The following ADGRL2 variants were observed in gnomAD, a reference collection of about 807,000 sequenced individuals.
ADGRL2 encodes calcium-independent alpha-latrotoxin receptor 2.
Under a neutral mutation model 157.4 loss-of-function variants are expected in ADGRL2, and 44 were observed. The ratio of observed to expected loss-of-function variants is 0.28; its 90% confidence interval spans 0.22 to 0.36. ADGRL2 has a LOEUF of 0.36. Among genes scored for constraint, ADGRL2 ranks in the 10% least tolerant of loss-of-function variants. The pLI, the probability that ADGRL2 is intolerant of heterozygous loss-of-function variation, is 1.00. For synonymous variants in ADGRL2, 585 were observed against 624.7 expected (o/e 0.94, Z 0.95); for missense variants, 1,510 against 1,768.9 (o/e 0.85, Z 2.63).
intron 1 of ADGRL2, among the ~76,000 whole-genome samples, chr1:81,406,269 T>C (rs1397748904): frequency 6.6e-6 from 1 of 152,154 alleles, no homozygotes; most frequent in African/African-American, 2.4e-5. Context: ...TCAAATACAA[T>C]TTAGGTTTAA....
intron 3 of ADGRL2, among the ~76,000 whole-genome samples, chr1:81,651,309 G>A (rs531409575): frequency 6.0e-4 from 91 of 152,064 alleles, no homozygotes; most frequent in Non-Finnish European, 1.1e-3. Flanking sequence ...ATCTCTAATA[G>A]CATTTAAGTA....
At chr1:81,398,905 T>A (rs1003391010) in intron 1 of ADGRL2, among the ~76,000 whole-genome samples, 3 of 152,220 alleles carry the variant, frequency 2.0e-5, no homozygotes, top group Non-Finnish European at 4.4e-5. Context: ...TGAATCTATT[T>A]GAGGAACTTT....
intron 3 of ADGRL2, chr1:81,596,433 G>T: frequency 4.3e-6 from 2 of 459,792 alleles, no homozygotes; most frequent in Non-Finnish European, 8.4e-6. Context: ...ATTGCAGCTC[G>T]TTAGAGTGAT....
At chr1:81,592,346 T>C (rs1362131312) in intron 3 of ADGRL2, among the ~76,000 whole-genome samples, 1 of 152,242 alleles carries the variant, frequency 6.6e-6, no homozygotes, top group East Asian at 1.9e-4. Context: ...TAAATGAATG[T>C]GTTCCGATAA....
chr1:81,502,211 C>G (rs2078868244), intron 2 of ADGRL2: 1 of 1,601,536 alleles, frequency 6.2e-7, no homozygotes, highest in African/African-American at 1.4e-5. Context: ...ACTTCCAGCA[C>G]CAGGGCTCCC....
intron 2 of ADGRL2, among the ~76,000 whole-genome samples, chr1:81,841,573 G>T (rs1220602370): frequency 6.6e-6 from 1 of 152,172 alleles, no homozygotes; most frequent in Admixed American, 6.5e-5. Flanking sequence ...ATGTAATTCA[G>T]ACTACTGTGT....
At chr1:81,434,249 T>C (rs2101635371) in intron 1 of ADGRL2, among the ~76,000 whole-genome samples, 1 of 152,346 alleles carries the variant, frequency 6.6e-6, no homozygotes, top group Admixed American at 6.5e-5. Context: ...TTTGTGAGAA[T>C]TAAGCAAATT....
At chr1:81,773,913 G>A (rs920070366) in intron 2 of ADGRL2, among the ~76,000 whole-genome samples, 3 of 152,148 alleles carry the variant, frequency 2.0e-5, no homozygotes, top group South Asian at 4.1e-4. Flanking sequence ...TGGCCCCAAT[G>A]CCATATGACT....
chr1:81,872,310 A>G (rs1356697961), intron 2 of ADGRL2, among the ~76,000 whole-genome samples: 1 of 152,174 alleles, frequency 6.6e-6, no homozygotes, highest in African/African-American at 2.4e-5. Flanking sequence ...TGGTACCAGT[A>G]CCATGCTGTT....
At chr1:81,635,912 TC>T (rs2082106152) in intron 3 of ADGRL2, among the ~76,000 whole-genome samples, 1 of 152,232 alleles carries the variant, frequency 6.6e-6, no homozygotes, top group Non-Finnish European at 1.5e-5. Context: ...CTAAAAGTTA[TC>T]TGATTTATCA....
intron 1 of ADGRL2, chr1:81,427,495 C>T (rs2077240100): frequency 2.7e-6 from 2 of 753,556 alleles, no homozygotes; most frequent in South Asian, 1.3e-5. Context: ...TAGTGGACAA[C>T]AGCAATCAAA....
At chr1:81,367,795 G>A (rs948455422) in intron 1 of ADGRL2, among the ~76,000 whole-genome samples, 4 of 152,060 alleles carry the variant, frequency 2.6e-5, no homozygotes, top group African/African-American at 7.2e-5. Flanking sequence ...CAGGTGATCC[G>A]TCCACCTTGG....
chr1:81,616,273 C>A (rs2081644626), intron 3 of ADGRL2, among the ~76,000 whole-genome samples: 1 of 152,202 alleles, frequency 6.6e-6, no homozygotes. Context: ...AGGAACAAGG[C>A]ACAATCCCTA....
At chr1:81,930,885 A>G (rs2095215800) in intron 3 of ADGRL2, among the ~76,000 whole-genome samples, 2 of 152,146 alleles carry the variant, frequency 1.3e-5, no homozygotes, top group African/African-American at 4.8e-5. Context: ...TAATCCCTGC[A>G]CTTTGGGAGG....
At chr1:81,945,713 G>A (rs1255496663) in intron 6 of ADGRL2, among the ~76,000 whole-genome samples, 1 of 152,046 alleles carries the variant, frequency 6.6e-6, no homozygotes, top group Non-Finnish European at 1.5e-5. Flanking sequence ...TGTAGCAACT[G>A]TATGTTCCTA....
intron 3 of ADGRL2, among the ~76,000 whole-genome samples, chr1:81,651,849 T>C (rs1480141637): frequency 6.6e-6 from 1 of 152,140 alleles, no homozygotes; most frequent in Non-Finnish European, 1.5e-5. Flanking sequence ...TCCTTTTGCA[T>C]AGCTAGGAAT....
In ADGRL2 at chr1:81,530,604, C is replaced by T. The variant is rs1221859013; in HGVS notation, c.-247-50272C>T. ...GTTCAAGTGGTCCGACTGCCTCAGCCTCCCAAAGTACTGAGATTACAGGCG... is the reference window on the plus strand; with the variant it reads ...GTTCAAGTGGTCCGACTGCCTCAGCTTCCCAAAGTACTGAGATTACAGGCG... On this transcript the variant is annotated intron_variant, in intron 2 of 24. Transcript: ENST00000370721. Among the ~76,000 whole-genome samples the T allele has an allele frequency of 3.9e-5, 6 of 152,158 alleles. No individual in the cohort carries two copies. The East Asian group carries it at 1.2e-3, about 30-fold the overall frequency.
chr1:81,985,332 A>G lies in ADGRL2; in HGVS notation c.3485A>G (p.Asn1162Ser), dbSNP rs772523265. The change falls in exon 21 of 24, where the codon AAT becomes AGT. Residue 1162 changes from asparagine to serine, a missense_variant. By Grantham distance (46) the Asn-to-Ser change is conservative. Coordinates refer to ENST00000686636, the MANE Select transcript of ADGRL2 (RefSeq NM_001366006.2). The stretch of plus-strand genomic sequence containing the variant: ...TCTTCTTTTATCTCAGGTGACATCA[A>G]TAGCACTTCAACACTTAATCAAGGT... Reference protein sequence around the residue: ...SESSFISGDINSTSTLNQGMT... With the variant: ...SESSFISGDISSTSTLNQGMT... The G allele has an allele frequency of 8.7e-6, 14 of 1,603,800 alleles. No homozygotes were observed. The highest frequency in any genetic ancestry group is 5.0e-5 in the Admixed American group (3 of 59,462).
intron 2 of ADGRL2, among the ~76,000 whole-genome samples, chr1:81,494,486 T>C (rs17098770): frequency 0.049 from 7,385 of 152,196 alleles, 245 homozygotes; most frequent in East Asian, 0.13. Flanking sequence ...TCACAAAATT[T>C]TACTGATGAA....
Sources: allele counts gnomAD v4.1 joint callset (sites outside exome capture counted in the v4.1 genomes callset), GRCh38; gene constraint gnomAD v4.1.1; transcripts MANE v1.5; gene names NCBI Gene and HGNC (gene_info 2026-07-23, HGNC 2026-07-21).